Variants in UNC5D observed in about 807,000 individuals in gnomAD.
The protein encoded by UNC5D is netrin receptor UNC5D.
A neutral mutation model predicts 105.4 loss-of-function variants in UNC5D; 39 were observed. The ratio of observed to expected loss-of-function variants is 0.37; its 90% CI spans 0.29 to 0.48. UNC5D has a LOEUF of 0.48. UNC5D is among the 20% of genes least tolerant of loss of function. The pLI is 0.98. For synonymous variants in UNC5D, 452 were observed against 450.4 expected, an observed-to-expected ratio of 1.00 and a Z score of -0.04; for missense variants, 991 against 1,202.4, an observed-to-expected ratio of 0.82 and a Z score of 2.60.
intron 1 of UNC5D, among the ~76,000 whole-genome samples, chr8:35,323,101 C>T (rs1406863132): frequency 1.3e-5 from 2 of 150,864 alleles, no homozygotes; most frequent in Non-Finnish European, 2.9e-5. Context: ...GTACACCTAC[C>T]AGAAAAGATA....
intron 8 of UNC5D, among the ~76,000 whole-genome samples, chr8:35,721,130 G>T (rs1239214454): frequency 6.6e-6 from 1 of 152,136 alleles, no homozygotes; most frequent in Non-Finnish European, 1.5e-5. Context: ...CAACACAGGG[G>T]TGACAGAGTA....
At chr8:35,269,035 C>A (rs1168697647) in intron 1 of UNC5D, among the ~76,000 whole-genome samples, 2 of 152,034 alleles carry the variant, frequency 1.3e-5, no homozygotes, top group Non-Finnish European at 2.9e-5. Flanking sequence ...TTGCCTATTA[C>A]AAAATAACTA....
rs549309705 is a variant in UNC5D at position 35,241,777 on chromosome 8, A to C, written c.103+5890A>C. 5.3e-5 allele frequency among the ~76,000 whole-genome samples: 8 copies of C among 152,280 alleles called. No homozygotes were observed. In the South Asian group the frequency reaches 1.5e-3, roughly 28 times the overall value. ...ACATTAATATAATTAGTAAAGATCA[A>C]ATCAGTGTACTGGGTTATCTATCAC... On this transcript the variant is annotated intron_variant, in intron 1 of 16. Coordinates refer to ENST00000404895, the MANE Select transcript of UNC5D (RefSeq NM_080872.4).
intron 1 of UNC5D, among the ~76,000 whole-genome samples, chr8:35,287,810 A>G (rs1806719752): frequency 6.6e-6 from 1 of 152,076 alleles, no homozygotes; most frequent in Admixed American, 6.6e-5. Context: ...TCTCAAAAAA[A>G]ATGACTAAAT....
chr8:35,291,533 G>A (rs564148863), intron 1 of UNC5D, among the ~76,000 whole-genome samples: 27 of 152,144 alleles, frequency 1.8e-4, no homozygotes, highest in Non-Finnish European at 3.8e-4. Context: ...TGATTTTGCA[G>A]TAGAAAAAAA....
At position 35,485,729 on chromosome 8, in the gene UNC5D, G is replaced by GAGCA. The variant is rs1274596255; in HGVS notation, c.104-63561_104-63558dup. Among the ~76,000 whole-genome samples the GAGCA allele has an allele frequency of 3.3e-5, 5 of 152,278 alleles. No individual in the cohort carries two copies. The South Asian group carries it at 8.3e-4, about 25-fold the overall frequency. The stretch of plus-strand genomic sequence containing the variant: ...CCCCTTTTGCTAGCAGTGAGACCCT[G>GAGCA]AGCAAAGTGTTAATTTTCCTGAGGT... On this transcript the variant is annotated intron_variant, in intron 1 of 16. Coordinates refer to ENST00000404895, the MANE Select transcript of UNC5D (RefSeq NM_080872.4).
chr8:35,654,735 G>T (rs1586347463), intron 4 of UNC5D, among the ~76,000 whole-genome samples: 1 of 151,904 alleles, frequency 6.6e-6, no homozygotes, highest in Admixed American at 6.6e-5. Context: ...AAAATTGTTA[G>T]CTTTTTCTTT....
At chr8:35,739,784 T>C (rs1829665196) in intron 11 of UNC5D, among the ~76,000 whole-genome samples, 3 of 152,200 alleles carry the variant, frequency 2.0e-5, no homozygotes, top group South Asian at 2.1e-4. Context: ...ATTTAATATA[T>C]ATCATCCTTT....
chr8:35,775,780 C>T (rs1802218262), intron 16 of UNC5D, among the ~76,000 whole-genome samples: 1 of 152,072 alleles, frequency 6.6e-6, no homozygotes, highest in Non-Finnish European at 1.5e-5. Context: ...AAAAGGGATC[C>T]AGAAGCCAAG....
At chr8:35,345,697 A>G (rs1416661462) in intron 1 of UNC5D, among the ~76,000 whole-genome samples, 1 of 152,014 alleles carries the variant, frequency 6.6e-6, no homozygotes, top group East Asian at 1.9e-4. Context: ...GTGTGCTCAC[A>G]AAAATTTAGA....
At chr8:35,714,815 A>G (rs192321425) in intron 8 of UNC5D, among the ~76,000 whole-genome samples, 215 of 152,352 alleles carry the variant, frequency 1.4e-3, no homozygotes, top group African/African-American at 4.9e-3. Flanking sequence ...AGGTAGTTAA[A>G]TAAGTGATCA....
chr8:35,433,915 T>G (rs1027385414), intron 1 of UNC5D, among the ~76,000 whole-genome samples: 2 of 151,902 alleles, frequency 1.3e-5, no homozygotes, highest in Admixed American at 1.3e-4. Flanking sequence ...CCAGTGGAAC[T>G]TTCTTAATTA....
At chr8:35,538,164 A>G (rs986582541) in intron 1 of UNC5D, among the ~76,000 whole-genome samples, 1 of 151,922 alleles carries the variant, frequency 6.6e-6, no homozygotes, top group Admixed American at 6.6e-5. Flanking sequence ...GCTAAGCTGA[A>G]TCTAAAGGAG....
chr8:35,285,234 G>A (rs1806505239), intron 1 of UNC5D, among the ~76,000 whole-genome samples: 1 of 152,186 alleles, frequency 6.6e-6, no homozygotes, highest in African/African-American at 2.4e-5. Flanking sequence ...CATGGATGAG[G>A]AAAAGGCCTG....
intron 1 of UNC5D, among the ~76,000 whole-genome samples, chr8:35,544,220 C>T (rs778680391): frequency 4.6e-5 from 7 of 152,152 alleles, no homozygotes; most frequent in Non-Finnish European, 8.8e-5. Flanking sequence ...TGACTTTCTG[C>T]TAACGGAGTT....
intron 4 of UNC5D, among the ~76,000 whole-genome samples, chr8:35,611,754 CTTG>C (rs1301102571): frequency 6.6e-6 from 1 of 152,168 alleles, no homozygotes; most frequent in Non-Finnish European, 1.5e-5. Flanking sequence ...ATGTTTGACC[CTTG>C]TTGTTTAGCT....
At chr8:35,617,091 C>T (rs16884196) in intron 4 of UNC5D, among the ~76,000 whole-genome samples, 1,894 of 152,240 alleles carry the variant, frequency 0.012, 28 homozygotes, top group Non-Finnish European at 0.019. Flanking sequence ...CACACCACCC[C>T]GATTCACTTA....
intron 1 of UNC5D, among the ~76,000 whole-genome samples, chr8:35,484,240 C>T (rs183468168): frequency 1.3e-5 from 2 of 152,170 alleles, no homozygotes; most frequent in Admixed American, 1.3e-4. Flanking sequence ...CCCACATAAC[C>T]TCTCTATTGT....
At chr8:35,301,326 A>G (rs1228610725) in intron 1 of UNC5D, among the ~76,000 whole-genome samples, 2 of 152,228 alleles carry the variant, frequency 1.3e-5, no homozygotes, top group Non-Finnish European at 2.9e-5. Context: ...ATTATAACCT[A>G]TAGGGTAAAT....
Sources: gnomAD v4.1 joint callset for allele counts (sites outside exome capture counted in the v4.1 genomes callset) on GRCh38, gnomAD v4.1.1 for gene constraint, MANE v1.5 for transcripts, NCBI Gene and HGNC (gene_info 2026-07-23, HGNC 2026-07-21) for gene names.